TMED3: variants seen among roughly 807,000 people sequenced by gnomAD.
TMED3 encodes transmembrane p24 trafficking protein 3, also known as transmembrane emp24 domain-containing protein 3.
In TMED3, 9 loss-of-function variants were observed where a neutral mutation model predicts 15.0. That is an observed-to-expected ratio of 0.60 (90% CI 0.36 to 1.04). The LOEUF (loss-of-function observed/expected upper bound fraction) is 1.04. TMED3 is among the 50% of genes least tolerant of loss of function. The pLI is 0.01. For synonymous variants in TMED3, 117 were observed against 121.4 expected (o/e 0.96, Z 0.24); for missense variants, 267 against 278.9 (o/e 0.96, Z 0.30).
At chr15:79,332,347 A>G (rs545767502) in intron 2 of TMED3, among the ~76,000 whole-genome samples, 2 of 152,248 alleles carry the variant, frequency 1.3e-5, no homozygotes, top group African/African-American at 4.8e-5. Flanking sequence ...AGCTGCTTCA[A>G]AACTCTCAGA....
chr15:79,383,264 TG>T (rs1233938306), intron 2 of TMED3: 30 of 548,610 alleles, frequency 5.5e-5, no homozygotes, highest in Non-Finnish European at 9.1e-5. Context: ...TATCTTGTTT[TG>T]GAAAATGTCT....
intron 2 of TMED3, among the ~76,000 whole-genome samples, chr15:79,335,172 C>T (rs1332896585): frequency 2.6e-5 from 4 of 152,030 alleles, no homozygotes; most frequent in Non-Finnish European, 5.9e-5. Flanking sequence ...AAAAAGAAAG[C>T]CTTAATAAAA....
At chr15:79,316,263 G>A (rs2058740052) in intron 2 of TMED3, among the ~76,000 whole-genome samples, 1 of 152,208 alleles carries the variant, frequency 6.6e-6, no homozygotes, top group East Asian at 1.9e-4. Context: ...TCAGGCCGGA[G>A]TTCAGGAAAA....
At chr15:79,371,141 C>CT (rs1319917629) in intron 2 of TMED3, among the ~76,000 whole-genome samples, 3 of 152,086 alleles carry the variant, frequency 2.0e-5, no homozygotes, top group African/African-American at 7.2e-5. Context: ...CAAGTAGGCC[C>CT]TACTTCAAGA....
chr15:79,351,209 G>A (rs1004132128), intron 2 of TMED3, among the ~76,000 whole-genome samples: 20 of 152,190 alleles, frequency 1.3e-4, no homozygotes, highest in Non-Finnish European at 2.4e-4. Flanking sequence ...CTGGTCAGGT[G>A]ACCATGGGCA....
intron 2 of TMED3, among the ~76,000 whole-genome samples, chr15:79,339,980 C>A (rs1413126347): frequency 6.6e-6 from 1 of 151,954 alleles, no homozygotes; most frequent in East Asian, 1.9e-4. Flanking sequence ...CCACACCACA[C>A]ACACACTACT....
At chr15:79,338,051 A>G (rs950069569) in intron 2 of TMED3, among the ~76,000 whole-genome samples, 1 of 152,238 alleles carries the variant, frequency 6.6e-6, no homozygotes, top group Admixed American at 6.5e-5. Context: ...AAACCATCCA[A>G]TGTGGTATCA....
Position 79,311,217 on chromosome 15 carries a change from A to G in TMED3, c.-33A>G, listed in dbSNP as rs754954548. 7 of 1,566,370 alleles carry G rather than the reference A, an allele frequency of 4.5e-6. No individual in the cohort carries two copies. The highest frequency in any genetic ancestry group is 5.2e-6 in the Non-Finnish European group (6 of 1,161,834). On this transcript the variant is annotated 5_prime_UTR_variant, in exon 1 of 3. Coordinates refer to ENST00000299705, the MANE Select transcript of TMED3 (RefSeq NM_007364.4). ...CAGCCCGCCGGGGGCGCAGCGCCCGAGCCGCGGCCCTCGAGACGGGACCGA... is the reference window on the plus strand; with the variant it reads ...CAGCCCGCCGGGGGCGCAGCGCCCGGGCCGCGGCCCTCGAGACGGGACCGA...
intron 2 of TMED3, among the ~76,000 whole-genome samples, chr15:79,370,488 C>G (rs548842390): frequency 6.6e-6 from 1 of 152,024 alleles, no homozygotes; most frequent in African/African-American, 2.4e-5. Flanking sequence ...TTTGCTTCCC[C>G]GGTCACATGG....
intron 2 of TMED3, among the ~76,000 whole-genome samples, chr15:79,357,922 C>T (rs2058925895): frequency 6.6e-6 from 1 of 152,210 alleles, no homozygotes; most frequent in South Asian, 2.1e-4. Flanking sequence ...TCTTGTGAGT[C>T]TAAGTCTCCA....
intron 2 of TMED3, among the ~76,000 whole-genome samples, chr15:79,398,418 C>T (rs186992409): frequency 1.7e-4 from 25 of 151,310 alleles, no homozygotes; most frequent in African/African-American, 4.7e-4. Flanking sequence ...CTGCCCCAGC[C>T]TCCCTTGGAG....
At chr15:79,372,008 A>G (rs1043142773) in intron 2 of TMED3, among the ~76,000 whole-genome samples, 1 of 152,234 alleles carries the variant, frequency 6.6e-6, no homozygotes, top group Admixed American at 6.5e-5. Context: ...TTAACTATCA[A>G]CTAAATTCTT....
At chr15:79,358,831 G>A (rs1048971934) in intron 2 of TMED3, among the ~76,000 whole-genome samples, 3 of 152,226 alleles carry the variant, frequency 2.0e-5, no homozygotes, top group Admixed American at 2.0e-4. Flanking sequence ...GGAAAAGTTT[G>A]CTGTGAACTT....
At chr15:79,411,671 C>A in exon 3 of TMED3, 3 of 584,500 alleles carry the variant, frequency 5.1e-6, no homozygotes, top group Non-Finnish European at 9.3e-6. Context: ...ACAACCTGCT[C>A]TCACCACAGG....
At chr15:79,383,127 A>G (rs1412070358) in intron 2 of TMED3, 5 of 1,090,650 alleles carry the variant, frequency 4.6e-6, no homozygotes, top group Non-Finnish European at 6.7e-6. Context: ...CTTTACTGCC[A>G]TGGTGCACTT....
intron 2 of TMED3, among the ~76,000 whole-genome samples, chr15:79,364,261 T>C (rs1466478225): frequency 6.6e-6 from 1 of 152,172 alleles, no homozygotes; most frequent in East Asian, 1.9e-4. Context: ...CCAGTGTGCA[T>C]GTGGGCTCTT....
intron 2 of TMED3, among the ~76,000 whole-genome samples, chr15:79,351,352 A>C (rs3901663): frequency 0.48 from 72,975 of 151,962 alleles, 18,162 homozygotes; most frequent in African/African-American, 0.62. Context: ...CCAGATAAGT[A>C]CATTCTCAGT....
At chr15:79,362,017 G>A (rs1001088327) in intron 2 of TMED3, among the ~76,000 whole-genome samples, 17 of 152,044 alleles carry the variant, frequency 1.1e-4, no homozygotes, top group Non-Finnish European at 2.4e-4. Context: ...GCTTTGCTAA[G>A]GTCATGAACT....
chr15:79,331,993 C>T (rs1371912586), intron 2 of TMED3, among the ~76,000 whole-genome samples: 1 of 152,150 alleles, frequency 6.6e-6, no homozygotes, highest in Non-Finnish European at 1.5e-5. Context: ...ACGGAGGCTG[C>T]TGTGTGCTAT....
Sources: allele counts gnomAD v4.1 joint callset (sites outside exome capture counted in the v4.1 genomes callset), GRCh38; gene constraint gnomAD v4.1.1; transcripts MANE v1.5; gene names NCBI Gene and HGNC (gene_info 2026-07-23, HGNC 2026-07-21).